ST3GAL2: variants seen among roughly 807,000 people sequenced by gnomAD.
The protein encoded by ST3GAL2 is ST3 beta-galactoside alpha-2,3-sialyltransferase 2.
ST3GAL2 carries 16 observed loss-of-function variants against 37.5 expected under a neutral mutation model. The observed-to-expected ratio is 0.43, with a 90% CI of 0.29 to 0.65. The LOEUF is 0.65. ST3GAL2 is among the 30% of genes least tolerant of loss of function. ST3GAL2 has a pLI of 0.17. For synonymous variants in ST3GAL2, 238 were observed against 202.9 expected, an observed-to-expected ratio of 1.17 and a Z score of -1.47; for missense variants, 383 against 487.8, an observed-to-expected ratio of 0.79 and a Z score of 2.02.
At position 70,394,788 on chromosome 16, in the gene ST3GAL2, G is replaced by C. The variant is rs534458430; in HGVS notation, c.533+194C>G. 2.6e-5 allele frequency among the ~76,000 whole-genome samples: 4 copies of C among 152,296 alleles called. No individual in the cohort carries two copies. In the South Asian group the frequency reaches 8.3e-4, roughly 32 times the overall value. ...CAGGCCTCAAGCAAAGCTTAGATTT[G>C]GGATTCTGTCTCCCCATCCACCCCA... On this transcript the variant is annotated intron_variant, in intron 3 of 6. Coordinates refer to ENST00000342907, the MANE Select transcript of ST3GAL2 (RefSeq NM_006927.4).
At chr16:70,429,565 G>A (rs2047774318) in intron 1 of ST3GAL2, among the ~76,000 whole-genome samples, 1 of 138,600 alleles carries the variant, frequency 7.2e-6, no homozygotes, top group Admixed American at 7.0e-5. Context: ...CTCCAGCCTG[G>A]GCAACAGAGC....
intron 1 of ST3GAL2, among the ~76,000 whole-genome samples, chr16:70,402,163 G>A (rs568751288): frequency 5.3e-5 from 8 of 151,678 alleles, no homozygotes; most frequent in Non-Finnish European, 8.8e-5. Flanking sequence ...GCCGGGCATG[G>A]TGGCACATGC....
At chr16:70,408,300 A>G (rs1415198887) in intron 1 of ST3GAL2, among the ~76,000 whole-genome samples, 1 of 152,034 alleles carries the variant, frequency 6.6e-6, no homozygotes, top group Non-Finnish European at 1.5e-5. Context: ...ACAACCATCA[A>G]AACATTCGCT....
chr16:70,400,798 G>C (rs986862805), intron 1 of ST3GAL2: 1 of 152,304 alleles, frequency 6.6e-6, no homozygotes, highest in African/African-American at 2.4e-5. Flanking sequence ...GGGTGAGAGG[G>C]AAGGAGATGT....
chr16:70,426,886 C>T (rs1012269755), intron 1 of ST3GAL2, among the ~76,000 whole-genome samples: 3 of 152,088 alleles, frequency 2.0e-5, no homozygotes, highest in African/African-American at 4.8e-5. Flanking sequence ...CTCGCTCTGT[C>T]GCTCAGGCTG....
At chr16:70,434,641 G>A (rs2047813575) in intron 1 of ST3GAL2, among the ~76,000 whole-genome samples, 1 of 152,112 alleles carries the variant, frequency 6.6e-6, no homozygotes, top group African/African-American at 2.4e-5. Flanking sequence ...ACAAAGCAGC[G>A]GCAACAACAC....
intron 1 of ST3GAL2, among the ~76,000 whole-genome samples, chr16:70,418,383 G>A (rs1302776219): frequency 6.6e-6 from 1 of 152,178 alleles, no homozygotes; most frequent in Non-Finnish European, 1.5e-5. Flanking sequence ...TCCTCCAGGA[G>A]GGCTGTCCCT....
At chr16:70,430,391 T>A (rs2047781303) in intron 1 of ST3GAL2, among the ~76,000 whole-genome samples, 1 of 152,246 alleles carries the variant, frequency 6.6e-6, no homozygotes, top group Non-Finnish European at 1.5e-5. Context: ...AGTAAATTGC[T>A]TTTCAGGCAC....
At chr16:70,432,531 CAAT>C (rs898667245) in intron 1 of ST3GAL2, among the ~76,000 whole-genome samples, 3 of 152,284 alleles carry the variant, frequency 2.0e-5, no homozygotes, top group Admixed American at 2.0e-4. Flanking sequence ...GTAACTACAA[CAAT>C]GATTTATAAA....
intron 1 of ST3GAL2, chr16:70,422,924 C>T (rs1003870899): frequency 2.0e-5 from 3 of 152,210 alleles, no homozygotes; most frequent in African/African-American, 7.2e-5. Context: ...CAAAAGAGCG[C>T]TATTTTTGTT....
chr16:70,406,826 G>T (rs528466811), intron 1 of ST3GAL2, among the ~76,000 whole-genome samples: 104 of 152,210 alleles, frequency 6.8e-4, no homozygotes, highest in Non-Finnish European at 1.2e-3. Context: ...ATGTGGAATG[G>T]GATTCAGCTG....
chr16:70,388,561 G>T lies in ST3GAL2; in HGVS notation c.534-15C>A. On this transcript the variant is annotated splice_polypyrimidine_tract_variant and intron_variant, in intron 3 of 6. Transcript: ENST00000342907. ...CCTGATTCATCCTGCAGGGACAAGA[G>T]GGTGACATGAGAATCAACTGCCATG... is the stretch of plus-strand genomic sequence containing the variant. The T allele has an allele frequency of 6.4e-7, 1 of 1,552,322 alleles. No homozygotes were observed. Among genetic ancestry groups the T allele is most frequent in the Non-Finnish European group, 8.7e-7 (1 of 1,148,276 alleles).
chr16:70,431,726 G>A (rs938334568), intron 1 of ST3GAL2, among the ~76,000 whole-genome samples: 1 of 151,822 alleles, frequency 6.6e-6, no homozygotes, highest in African/African-American at 2.4e-5. Context: ...CACTTTGGGA[G>A]GCCGAGGCGG....
In ST3GAL2 at chr16:70,381,012, G is replaced by A. The variant is rs2047398097; in HGVS notation, c.*677C>T. Reference sequence around the variant, plus strand: ...GCACTGAAGGGGACAGGGCTTCCTCGAGCTCTGCCCTGTCCCCTCCACCTG... The same window carrying A: ...GCACTGAAGGGGACAGGGCTTCCTCAAGCTCTGCCCTGTCCCCTCCACCTG... On this transcript the variant is annotated 3_prime_UTR_variant, in exon 7 of 7. Coordinates refer to ENST00000342907, the MANE Select transcript of ST3GAL2 (RefSeq NM_006927.4). 1 of 152,296 alleles carries A rather than the reference G, an allele frequency of 6.6e-6. No homozygotes were observed. The highest frequency in any genetic ancestry group is 6.5e-5 in the Admixed American group (1 of 15,276). The allele number at this position is 152,296 out of a possible 1,614,324, so 9.4% of individuals were successfully genotyped here.
rs1597562625 is a variant in ST3GAL2, at chr16:70,398,531, G to C, written c.-1C>G. 2 of 1,591,106 alleles carry C rather than the reference G, an allele frequency of 1.3e-6. No individual in the cohort carries two copies. Among genetic ancestry groups the C allele is most frequent in the East Asian group, 4.6e-5 (2 of 43,902 alleles). Reference sequence around the variant, plus strand: ...ACCACACCCGCAGGGAGCACTTCATGGTGCCGGCAGGCGGGTGACGGTCAC... The same window carrying C: ...ACCACACCCGCAGGGAGCACTTCATCGTGCCGGCAGGCGGGTGACGGTCAC... On this transcript the variant is annotated 5_prime_UTR_variant, in exon 2 of 7. Coordinates refer to ENST00000342907, the MANE Select transcript of ST3GAL2 (RefSeq NM_006927.4).
chr16:70,392,518 C>T (rs969132543), intron 3 of ST3GAL2, among the ~76,000 whole-genome samples: 6 of 152,206 alleles, frequency 3.9e-5, no homozygotes, highest in African/African-American at 9.6e-5. Context: ...GTATCTGCGG[C>T]GTGCCTACTG....
chr16:70,438,501 G>A (rs1301912265), intron 1 of ST3GAL2, among the ~76,000 whole-genome samples: 7 of 152,170 alleles, frequency 4.6e-5, no homozygotes, highest in African/African-American at 1.2e-4. Context: ...AGGGGAGAGA[G>A]GAAAGAGGAG....
At chr16:70,414,996 C>T (rs963435792) in intron 1 of ST3GAL2, among the ~76,000 whole-genome samples, 1 of 152,196 alleles carries the variant, frequency 6.6e-6, no homozygotes, top group Non-Finnish European at 1.5e-5. Flanking sequence ...GCGTCAGCCT[C>T]CCGAGTATCT....
chr16:70,391,828 C>T (rs1289964544), intron 3 of ST3GAL2, among the ~76,000 whole-genome samples: 3 of 152,314 alleles, frequency 2.0e-5, no homozygotes, highest in Admixed American at 6.5e-5. Flanking sequence ...AAGCTGGTTT[C>T]GAGCTCCTGG....
Sources: gnomAD v4.1 joint callset for allele counts (sites outside exome capture counted in the v4.1 genomes callset) on GRCh38, gnomAD v4.1.1 for gene constraint, MANE v1.5 for transcripts, NCBI Gene and HGNC (gene_info 2026-07-23, HGNC 2026-07-21) for gene names.